RGS6: variants seen among roughly 807,000 people sequenced by gnomAD.
RGS6 encodes the protein regulator of G protein signaling 6.
RGS6 carries 30 observed loss-of-function variants against 78.5 expected under a neutral mutation model. The observed-to-expected ratio is 0.38, with a 90% confidence interval of 0.29 to 0.52. The LOEUF (loss-of-function observed/expected upper bound fraction) is 0.52. Among genes scored for constraint, RGS6 ranks in the 20% least tolerant of loss-of-function variants. The pLI is 0.85. For missense variants in RGS6, 495 were observed against 609.7 expected (o/e 0.81, Z 1.98); for synonymous variants, 206 against 206.0 (o/e 1.00, Z 0.00).
intron 3 of RGS6, among the ~76,000 whole-genome samples, chr14:72,392,975 G>T (rs575581251): frequency 1.3e-5 from 2 of 152,180 alleles, no homozygotes; most frequent in African/African-American, 4.8e-5. Flanking sequence ...ATTACAATTA[G>T]AGCAAGTGGA....
chr14:72,553,773 G>A (rs1462872345), intron 17 of RGS6, among the ~76,000 whole-genome samples: 1 of 152,194 alleles, frequency 6.6e-6, no homozygotes, highest in African/African-American at 2.4e-5. Context: ...TCATTTCCTG[G>A]TGAAAGCTTC....
chr14:72,058,815 T>C (rs2093747982), intron 2 of RGS6, among the ~76,000 whole-genome samples: 3 of 152,226 alleles, frequency 2.0e-5, no homozygotes, highest in African/African-American at 7.2e-5. Flanking sequence ...GAATATTATA[T>C]TAGACTACAT....
chr14:72,050,373 T>G (rs569577646), intron 2 of RGS6, among the ~76,000 whole-genome samples: 1 of 151,078 alleles, frequency 6.6e-6, no homozygotes, highest in South Asian at 2.1e-4. Context: ...GCATGGAAGA[T>G]AAATTATATT....
Position 72,037,623 on chromosome 14 carries a change from A to T in RGS6, c.84+72748A>T, listed in dbSNP as rs113837744. On this transcript the variant is annotated intron_variant, in intron 2 of 17. Transcript: ENST00000553525. ...GCATTTAGATGTTTGAATGCTTCAAACACCGTTTATTCAGAAGACTGTCCT... is the reference window on the plus strand; with the variant it reads ...GCATTTAGATGTTTGAATGCTTCAATCACCGTTTATTCAGAAGACTGTCCT... Among the ~76,000 whole-genome samples, 969 of 152,342 alleles carry T rather than the reference A, an allele frequency of 6.4e-3. 10 individuals are homozygous for T. Among genetic ancestry groups the T allele is most frequent in the African/African-American group, 0.022 (934 of 41,578 alleles).
the RGS6 span, among the ~76,000 whole-genome samples, chr14:71,906,816 A>G: frequency 4.7e-5 from 2 of 42,158 alleles, no homozygotes; most frequent in Non-Finnish European, 2.2e-4. Flanking sequence ...CATAATACTA[A>G]TGTATTCCCC....
intron 2 of RGS6, among the ~76,000 whole-genome samples, chr14:72,049,597 T>C (rs2093096673): frequency 6.6e-6 from 1 of 152,188 alleles, no homozygotes; most frequent in Non-Finnish European, 1.5e-5. Flanking sequence ...CAAATGGGTG[T>C]GGACATGTCA....
chr14:72,232,878 G>T (rs966766971), intron 2 of RGS6, among the ~76,000 whole-genome samples: 13 of 152,192 alleles, frequency 8.5e-5, no homozygotes, highest in Non-Finnish European at 1.6e-4. Flanking sequence ...CCCTGGGAGG[G>T]CCTGGCAAGC....
At chr14:72,464,281 A>T (rs1046156368) in intron 6 of RGS6, among the ~76,000 whole-genome samples, 3 of 152,012 alleles carry the variant, frequency 2.0e-5, no homozygotes, top group African/African-American at 4.8e-5. Context: ...TAGAAGCAAC[A>T]CTCTCTCTCT....
intron 2 of RGS6, among the ~76,000 whole-genome samples, chr14:72,281,144 CTTTTTTT>C (rs11381940): frequency 3.5e-5 from 4 of 112,844 alleles, no homozygotes; most frequent in African/African-American, 1.4e-4. Context: ...AAACAAGATT[CTTTTTTT>C]TTTTTTTTTT....
intron 3 of RGS6, among the ~76,000 whole-genome samples, chr14:72,442,117 T>C (rs2095226276): frequency 6.6e-6 from 1 of 152,178 alleles, no homozygotes; most frequent in South Asian, 2.1e-4. Flanking sequence ...GTTCTCTTTC[T>C]GCTTGATGCT....
intron 2 of RGS6, among the ~76,000 whole-genome samples, chr14:72,295,204 T>C (rs1595445992): frequency 7.0e-6 from 1 of 143,344 alleles, no homozygotes; most frequent in Non-Finnish European, 1.5e-5. Context: ...GGCAGGAGAA[T>C]GGCGTGAACC....
intron 17 of RGS6, among the ~76,000 whole-genome samples, chr14:72,547,845 T>G (rs1950514313): frequency 6.6e-6 from 1 of 152,126 alleles, no homozygotes; most frequent in Non-Finnish European, 1.5e-5. Flanking sequence ...GCCTCATTGG[T>G]GTAATATTTG....
At chr14:72,187,044 T>C (rs1196652763) in intron 2 of RGS6, among the ~76,000 whole-genome samples, 1 of 152,148 alleles carries the variant, frequency 6.6e-6, no homozygotes, top group Non-Finnish European at 1.5e-5. Flanking sequence ...CTAGAGCAAA[T>C]GCCTCAAGAA....
chr14:72,083,920 A>G, intron 2 of RGS6, among the ~76,000 whole-genome samples: 1 of 152,160 alleles, frequency 6.6e-6, no homozygotes, highest in East Asian at 1.9e-4. Flanking sequence ...TTCAAGCTTC[A>G]CAGAGAGGTT....
chr14:72,423,479 T>C (rs980488700), intron 3 of RGS6, among the ~76,000 whole-genome samples: 1 of 152,170 alleles, frequency 6.6e-6, no homozygotes, highest in Non-Finnish European at 1.5e-5. Context: ...CACCATGGAA[T>C]ACTACACAGC....
At chr14:72,467,451 C>T (rs1264569957) in intron 7 of RGS6, among the ~76,000 whole-genome samples, 1 of 152,146 alleles carries the variant, frequency 6.6e-6, no homozygotes, top group Non-Finnish European at 1.5e-5. Context: ...CTCTGCCAGG[C>T]CTTACCTCTC....
chr14:72,628,166 T>C, the RGS6 span, among the ~76,000 whole-genome samples: 1 of 152,134 alleles, frequency 6.6e-6, no homozygotes, highest in East Asian at 1.9e-4. Flanking sequence ...GTTATAGAGA[T>C]AGTGAGCATC....
chr14:72,407,886 G>A (rs1164236647), intron 3 of RGS6, among the ~76,000 whole-genome samples: 1 of 152,168 alleles, frequency 6.6e-6, no homozygotes, highest in Non-Finnish European at 1.5e-5. Context: ...GTGTTAAATA[G>A]GGAGGTAGAC....
intron 2 of RGS6, among the ~76,000 whole-genome samples, chr14:72,241,999 C>T (rs780755639): frequency 2.9e-4 from 44 of 152,280 alleles, no homozygotes; most frequent in Middle Eastern, 3.4e-3. Flanking sequence ...AAATAGTGAC[C>T]TATTTTATCT....
Sources: allele counts gnomAD v4.1 joint callset (sites outside exome capture counted in the v4.1 genomes callset), GRCh38; gene constraint gnomAD v4.1.1; transcripts MANE v1.5; gene names NCBI Gene and HGNC (gene_info 2026-07-23, HGNC 2026-07-21).